The following TBC1D22B variants were observed in gnomAD, a reference collection of about 807,000 sequenced individuals.
TBC1D22B encodes the protein chromosome 6 open reading frame 197.
TBC1D22B carries 32 observed loss-of-function variants against 69.1 expected under a neutral mutation model. That is an observed-to-expected ratio of 0.46 (90% CI 0.35 to 0.62). TBC1D22B has a LOEUF of 0.62. Among genes scored for constraint, TBC1D22B ranks in the 20% least tolerant of loss-of-function variants. The probability of loss-of-function intolerance (pLI) is 0.00; values close to 1 mark genes in which losing one functional copy is unlikely to be tolerated. For missense variants in TBC1D22B, 462 were observed against 630.9 expected (o/e 0.73, Z 2.87); for synonymous variants, 206 against 229.8 (o/e 0.90, Z 0.94).
rs147897673 is a variant in TBC1D22B, at chr6:37,283,358, G to C, written c.672+406G>C. Among the ~76,000 whole-genome samples the C allele has an allele frequency of 7.9e-5, 12 of 152,312 alleles. No individual in the cohort carries two copies. The East Asian group carries it at 2.3e-3, about 29-fold the overall frequency. On this transcript the variant is annotated intron_variant, in intron 5 of 12. Coordinates refer to ENST00000373491, the MANE Select transcript of TBC1D22B (RefSeq NM_017772.4). ...TTGGCCTCCCTTGGAAGCTTTACTA[G>C]TCCTGCTTTCACCAAGTACAGAGCA...
chr6:37,297,294 C>T (rs1289000949), intron 8 of TBC1D22B, among the ~76,000 whole-genome samples: 1 of 152,172 alleles, frequency 6.6e-6, no homozygotes, highest in Non-Finnish European at 1.5e-5. Context: ...TTTCTTAATC[C>T]TCCAGCTCCC....
Position 37,302,367 on chromosome 6 carries a change from A to G in TBC1D22B, c.983-10551A>G, listed in dbSNP as rs1767594792. 2.0e-5 allele frequency among the ~76,000 whole-genome samples: 3 copies of G among 152,326 alleles called. No homozygotes were observed. In the South Asian group the frequency reaches 6.2e-4, roughly 32 times the overall value. On this transcript the variant is annotated intron_variant, in intron 8 of 12. Coordinates refer to ENST00000373491, the MANE Select transcript of TBC1D22B (RefSeq NM_017772.4). The stretch of plus-strand genomic sequence containing the variant: ...ATCTTATCTCTGAGACTGTGGTATA[A>G]TTCTAAACTCTTTCCTCCAAGAGCT...
At chr6:37,282,418 A>G (rs1384331415) in intron 4 of TBC1D22B, 54 bp downstream of exon 4, 2 of 1,513,072 alleles carry the variant, frequency 1.3e-6, no homozygotes, top group South Asian at 2.6e-5. Flanking sequence ...TGGAATTCTC[A>G]GAGACCTGGA....
chr6:37,291,101 T>C (rs1283702345), intron 7 of TBC1D22B, 142 bp from the exon 8 acceptor site: 6 of 641,594 alleles, frequency 9.4e-6, no homozygotes, highest in African/African-American at 9.2e-5. Context: ...TGCATTTATA[T>C]ACTTCTTTAT....
In TBC1D22B at chr6:37,329,322, C is replaced by T. The variant is rs185864976; in HGVS notation, c.1390-1722C>T. Among the ~76,000 whole-genome samples the T allele has an allele frequency of 1.2e-4, 18 of 152,294 alleles. No homozygotes were observed. The East Asian group carries it at 2.7e-3, about 23-fold the overall frequency. On this transcript the variant is annotated intron_variant, in intron 12 of 12. Coordinates refer to ENST00000373491, the MANE Select transcript of TBC1D22B (RefSeq NM_017772.4). ...TCTTCATATACTGATACATGTAGAC[C>T]GGCTTCGCTTGTTTCAAGTGCTGCC...
intron 8 of TBC1D22B, among the ~76,000 whole-genome samples, chr6:37,303,267 C>T (rs1396280273): frequency 4.6e-5 from 7 of 152,106 alleles, no homozygotes; most frequent in Admixed American, 6.5e-5. Flanking sequence ...TCCTCAGACT[C>T]GGTGTTTGGC....
At chr6:37,279,194 A>G in intron 2 of TBC1D22B, 110 bp from the exon 3 acceptor site, 1 of 1,099,354 alleles carries the variant, frequency 9.1e-7, no homozygotes, top group Non-Finnish European at 1.3e-6. Flanking sequence ...GAAGAAGCTA[A>G]TGATTATGTA....
intron 8 of TBC1D22B, among the ~76,000 whole-genome samples, chr6:37,301,458 A>G (rs1373908244): frequency 6.6e-6 from 1 of 152,162 alleles, no homozygotes; most frequent in Non-Finnish European, 1.5e-5. Context: ...GGATTTCCCT[A>G]TCCTGGACAT....
chr6:37,311,355 GTCT>G (rs1319979070), intron 8 of TBC1D22B, among the ~76,000 whole-genome samples: 1 of 151,972 alleles, frequency 6.6e-6, no homozygotes, highest in African/African-American at 2.4e-5. Flanking sequence ...TCAGATATAG[GTCT>G]TAGTAACAAT....
chr6:37,300,205 C>A (rs1030351456), intron 8 of TBC1D22B, among the ~76,000 whole-genome samples: 79 of 152,042 alleles, frequency 5.2e-4, no homozygotes, highest in African/African-American at 1.7e-3. Flanking sequence ...CATCTTTTCA[C>A]CGATGTGAAA....
intron 10 of TBC1D22B, among the ~76,000 whole-genome samples, chr6:37,316,397 A>G (rs1768078779): frequency 6.6e-6 from 1 of 152,154 alleles, no homozygotes; most frequent in South Asian, 2.1e-4. Flanking sequence ...ACTAAGGTTG[A>G]GCAGCCAAGT....
intron 1 of TBC1D22B, chr6:37,258,273 G>C (rs551099553): frequency 5.2e-6 from 2 of 387,598 alleles, no homozygotes; most frequent in South Asian, 6.4e-5. Flanking sequence ...AGTCAGTGTC[G>C]GCCCTGGTCT....
At chr6:37,305,964 C>T (rs898196261) in intron 8 of TBC1D22B, among the ~76,000 whole-genome samples, 2 of 152,170 alleles carry the variant, frequency 1.3e-5, no homozygotes, top group African/African-American at 4.8e-5. Flanking sequence ...CTCAAGCTGC[C>T]TCCTGGCCCC....
At chr6:37,268,442 T>A (rs925681937) in intron 1 of TBC1D22B, among the ~76,000 whole-genome samples, 49 of 152,164 alleles carry the variant, frequency 3.2e-4, no homozygotes, top group Non-Finnish European at 7.1e-4. Flanking sequence ...TTGCCCAGGC[T>A]GGTTTCGAAC....
At chr6:37,328,220 G>A (rs195404) in intron 12 of TBC1D22B, among the ~76,000 whole-genome samples, 2,056 of 152,220 alleles carry the variant, frequency 0.014, 41 homozygotes, top group African/African-American at 0.045. Context: ...CAGGAGAATC[G>A]CTTGAACCTG....
chr6:37,285,315 CTTTTTTTTTTTTTTTTT>C (rs756459599), intron 6 of TBC1D22B, among the ~76,000 whole-genome samples: 2 of 73,552 alleles, frequency 2.7e-5, no homozygotes, highest in Non-Finnish European at 4.6e-5. Flanking sequence ...TCCTTCCCCA[CTTTTTTTTTTTTTTTTT>C]TTTTTTTTTT....
At chr6:37,261,256 A>AC (rs1225346776) in intron 1 of TBC1D22B, among the ~76,000 whole-genome samples, 2 of 149,774 alleles carry the variant, frequency 1.3e-5, no homozygotes, top group Non-Finnish European at 3.0e-5. Context: ...ACGTGGTGAA[A>AC]CCCCCCATCT....
intron 9 of TBC1D22B, 106 bp downstream of exon 9, chr6:37,313,130 AC>A: frequency 1.3e-6 from 1 of 799,344 alleles, no homozygotes. Flanking sequence ...CCACCCACCC[AC>A]CCACTATGGC....
At chr6:37,320,342 G>C (rs189757777) in intron 12 of TBC1D22B, among the ~76,000 whole-genome samples, 1 of 152,102 alleles carries the variant, frequency 6.6e-6, no homozygotes, top group Non-Finnish European at 1.5e-5. Flanking sequence ...CTGTGCCTCC[G>C]TTTTCTTATC....
Sources: allele counts gnomAD v4.1 joint callset (sites outside exome capture counted in the v4.1 genomes callset), GRCh38; gene constraint gnomAD v4.1.1; transcripts MANE v1.5; gene names NCBI Gene and HGNC (gene_info 2026-07-23, HGNC 2026-07-21).